Variants in EML1 observed in about 807,000 individuals in gnomAD.
The protein encoded by EML1 is EMAP like 1.
Under a neutral mutation model 110.4 loss-of-function variants are expected in EML1, and 27 were observed. That is an observed-to-expected ratio of 0.24 (90% CI 0.18 to 0.34). The LOEUF is 0.34. EML1 is among the 10% of genes least tolerant of loss of function. The probability of loss-of-function intolerance (pLI) is 1.00; values close to 1 mark genes in which losing one functional copy is unlikely to be tolerated. For missense variants in EML1, 741 were observed against 1,030.9 expected (o/e 0.72, Z 3.85); for synonymous variants, 344 against 385.8 (o/e 0.89, Z 1.27).
At position 99,793,432 on chromosome 14, in the gene EML1, CG is replaced by C; in HGVS notation, c.-43del. ...CAGCTCAGTGTGTGGTGAGCGGCGG[CG>C]GCGCGGCCGGGCCGGGGAGCGGGCG... On this transcript the variant is annotated 5_prime_UTR_variant, in exon 1 of 22. Transcript: ENST00000262233. 3 of 1,029,988 alleles carry C rather than the reference CG, an allele frequency of 2.9e-6. No homozygotes were observed. Among genetic ancestry groups the C allele is most frequent in the Non-Finnish European group, 3.5e-6 (3 of 859,016 alleles). The allele number at this position is 1,029,988 out of a possible 1,614,324, so 63.8% of individuals were successfully genotyped here.
chr14:99,753,397 C>T (rs1341054761), intron 1 of EML1, among the ~76,000 whole-genome samples: 3 of 151,788 alleles, frequency 2.0e-5, no homozygotes, highest in South Asian at 2.1e-4. Flanking sequence ...TGGGCCCCTC[C>T]GGCCTCCCTG....
chr14:99,875,180 T>C (rs950445198), intron 3 of EML1, among the ~76,000 whole-genome samples: 3 of 152,226 alleles, frequency 2.0e-5, no homozygotes, highest in Non-Finnish European at 2.9e-5. Context: ...CAGTATACTT[T>C]GGCGGTTCAT....
At chr14:99,739,085 TGTGTGTGA>T (rs1328991324) in intron 1 of EML1, among the ~76,000 whole-genome samples, 3 of 126,476 alleles carry the variant, frequency 2.4e-5, no homozygotes, top group African/African-American at 3.6e-5. Flanking sequence ...TGTGTGTGTG[TGTGTGTGA>T]GAGAGAGAGA....
chr14:99,809,946 A>G lies in EML1; in HGVS notation c.67+16403A>G, dbSNP rs75703708. ...TGAGTTCAAAAACATTTCAGGCCCCAGGGATTTGAGGAAGGGTTTCCAGAC... is the reference window on the plus strand; with the variant it reads ...TGAGTTCAAAAACATTTCAGGCCCCGGGGATTTGAGGAAGGGTTTCCAGAC... On this transcript the variant is annotated intron_variant, in intron 1 of 21. Transcript: ENST00000262233. Among the ~76,000 whole-genome samples the G allele has an allele frequency of 2.5e-4, 38 of 152,312 alleles. No individual in the cohort carries two copies. In the East Asian group the frequency reaches 6.9e-3, roughly 28 times the overall value.
At chr14:99,887,378 G>A (rs538348882) in intron 4 of EML1, among the ~76,000 whole-genome samples, 9 of 152,110 alleles carry the variant, frequency 5.9e-5, no homozygotes, top group African/African-American at 2.2e-4. Flanking sequence ...TCACCGGGGG[G>A]GCAAATCCTT....
chr14:99,785,810 T>C (rs948505849), intron 1 of EML1, among the ~76,000 whole-genome samples: 1 of 152,092 alleles, frequency 6.6e-6, no homozygotes, highest in African/African-American at 2.4e-5. Flanking sequence ...GAAAATAGGC[T>C]GGGTGAACGA....
chr14:99,908,165 G>A (rs114119290), intron 10 of EML1, among the ~76,000 whole-genome samples: 3,743 of 152,250 alleles, frequency 0.025, 143 homozygotes, highest in African/African-American at 0.083. Flanking sequence ...CCGCCAGCAC[G>A]GGGGCTCCTC....
intron 1 of EML1, among the ~76,000 whole-genome samples, chr14:99,814,780 A>G (rs1283335072): frequency 2.0e-5 from 3 of 152,218 alleles, no homozygotes; most frequent in Non-Finnish European, 2.9e-5. Flanking sequence ...TGGGCCACAG[A>G]CAGGTCCTCT....
At chr14:99,756,145 G>A (rs1474076555) in intron 1 of EML1, among the ~76,000 whole-genome samples, 1 of 152,206 alleles carries the variant, frequency 6.6e-6, no homozygotes, top group East Asian at 1.9e-4. Context: ...CCAGAAGCCA[G>A]CTCTCCAAGG....
At position 99,895,133 on chromosome 14, in the gene EML1, G is replaced by A. The variant is rs566879045; in HGVS notation, c.677+375G>A. Among the ~76,000 whole-genome samples, 334 of 152,082 alleles carry A rather than the reference G, an allele frequency of 2.2e-3. 6 individuals carry two copies. The South Asian group carries it at 0.025, about 11-fold the overall frequency. ...AAAATGAATCACTAGTTTCTGGTCC[G>A]AATTTTATTCTTTCCAAAAGAATGA... On this transcript the variant is annotated intron_variant, in intron 6 of 21. Transcript: ENST00000262233.
At chr14:99,874,723 T>G (rs145581202) in intron 3 of EML1, among the ~76,000 whole-genome samples, 1,705 of 152,354 alleles carry the variant, frequency 0.011, 13 homozygotes, top group Non-Finnish European at 0.017. Flanking sequence ...TTTAAAAAGT[T>G]TAACATTTTA....
chr14:99,887,861 T>C (rs2059509174), intron 4 of EML1, among the ~76,000 whole-genome samples: 1 of 152,166 alleles, frequency 6.6e-6, no homozygotes, highest in Admixed American at 6.5e-5. Flanking sequence ...TCACTGCACA[T>C]CTGTGTGTTT....
upstream of EML1, among the ~76,000 whole-genome samples, chr14:99,770,778 G>GTTTTTTTTTTTTTTT (rs1198007774): frequency 1.3e-5 from 1 of 79,580 alleles, no homozygotes; most frequent in African/African-American, 4.4e-5. Flanking sequence ...AGTTTCCGCT[G>GTTTTTTTTTTTTTTT]ATTTTTTTTT....
In EML1 at chr14:99,855,072, G is replaced by A. The variant is rs1220941213; in HGVS notation, c.250+4037G>A. ...TGATGGTGCCTCCATATGATTAAATGCTGTGTGGTCTTTAAAAATGTTTGT... is the reference window on the plus strand; with the variant it reads ...TGATGGTGCCTCCATATGATTAAATACTGTGTGGTCTTTAAAAATGTTTGT... On this transcript the variant is annotated intron_variant, in intron 2 of 21. Coordinates refer to ENST00000262233, the MANE Select transcript of EML1 (RefSeq NM_004434.3). Among the ~76,000 whole-genome samples the A allele has an allele frequency of 2.0e-5, 3 of 152,288 alleles. No individual in the cohort carries two copies. In the East Asian group the frequency reaches 5.8e-4, roughly 29 times the overall value.
chr14:99,768,867 G>A (rs139085569), upstream of EML1, among the ~76,000 whole-genome samples: 1,506 of 152,120 alleles, frequency 9.9e-3, 30 homozygotes, highest in African/African-American at 0.034. Context: ...ACAGGCACCC[G>A]CCACCATGCC....
intron 1 of EML1, among the ~76,000 whole-genome samples, chr14:99,762,375 C>G (rs1341281698): frequency 1.3e-5 from 2 of 152,212 alleles, no homozygotes; most frequent in African/African-American, 4.8e-5. Context: ...AGAACTTACA[C>G]CACCAGAAGC....
At chr14:99,850,166 T>C (rs1008096771) in intron 1 of EML1, 1 of 570,842 alleles carries the variant, frequency 1.8e-6, no homozygotes, top group African/African-American at 1.9e-5. Flanking sequence ...ATCAAACTCC[T>C]GCGCTCAAGC....
intron 1 of EML1, among the ~76,000 whole-genome samples, chr14:99,828,527 G>T (rs2058397306): frequency 6.6e-6 from 1 of 152,114 alleles, no homozygotes. Context: ...TTTATTATTA[G>T]TTATTTATTA....
At chr14:99,820,388 C>T (rs2058242035) in intron 1 of EML1, among the ~76,000 whole-genome samples, 1 of 152,144 alleles carries the variant, frequency 6.6e-6, no homozygotes, top group Non-Finnish European at 1.5e-5. Context: ...TTCTGTACGT[C>T]TTGGACCTTA....
Sources: gnomAD v4.1 joint callset for allele counts (sites outside exome capture counted in the v4.1 genomes callset) on GRCh38, gnomAD v4.1.1 for gene constraint, MANE v1.5 for transcripts, NCBI Gene and HGNC (gene_info 2026-07-23, HGNC 2026-07-21) for gene names.